DAPL1: variants seen among roughly 807,000 people sequenced by gnomAD.
The protein encoded by DAPL1 is death associated protein like 1, also known as death-associated protein-like 1.
Under a neutral mutation model 12.9 loss-of-function variants are expected in DAPL1, and 17 were observed. The ratio of observed to expected loss-of-function variants is 1.32; its 90% confidence interval spans 0.90 to 1.98. The LOEUF (loss-of-function observed/expected upper bound fraction) is 1.98, where lower values mean the gene tolerates loss of function less well. Among genes scored for constraint, DAPL1 ranks in the 30% most tolerant of loss-of-function variants. The probability of loss-of-function intolerance (pLI) is 0.00; values close to 1 mark genes in which losing one functional copy is unlikely to be tolerated. For missense variants in DAPL1, 157 were observed against 125.7 expected, an observed-to-expected ratio of 1.25 and a Z score of -1.19; for synonymous variants, 51 against 42.0, an observed-to-expected ratio of 1.21 and a Z score of -0.82.
At chr2:158,806,712 T>C (rs2059203506) in intron 2 of DAPL1, among the ~76,000 whole-genome samples, 1 of 151,902 alleles carries the variant, frequency 6.6e-6, no homozygotes, top group Non-Finnish European at 1.5e-5. Context: ...GGTGCATGCC[T>C]GTAATCCCAG....
intron 1 of DAPL1, among the ~76,000 whole-genome samples, chr2:158,802,554 C>A (rs952436124): frequency 3.9e-5 from 6 of 152,198 alleles, no homozygotes; most frequent in African/African-American, 1.4e-4. Flanking sequence ...TGTACTCACA[C>A]ACCAAATCGT....
rs2059258046 is a variant in DAPL1, at chr2:158,815,792, T to C, written c.295T>C (p.Tyr99His). Residue 99 changes from tyrosine to histidine, a missense_variant, in exon 4 of 4, where the codon TAC becomes CAC. Tyr to His is a moderately conservative substitution (Grantham distance 83). Coordinates refer to ENST00000309950, the MANE Select transcript of DAPL1 (RefSeq NM_001017920.3). ...LEKVVPLKRI[Y>H]IIQQPRKC is the part of the protein sequence containing the mutation. ...AAAGGTTGTTCCACTGAAAAGGATC[T>C]ACATTATTCAGCAGCCTCGAAAATG... is the stretch of plus-strand genomic sequence containing the variant. The C allele has an allele frequency of 1.9e-6, 3 of 1,613,640 alleles. No homozygotes were observed. Among genetic ancestry groups the C allele is most frequent in the Non-Finnish European group, 1.7e-6 (2 of 1,179,500 alleles).
At chr2:158,799,555 C>G (rs1424579689) in intron 1 of DAPL1, among the ~76,000 whole-genome samples, 1 of 151,932 alleles carries the variant, frequency 6.6e-6, no homozygotes, top group Admixed American at 6.6e-5. Flanking sequence ...TTAAGATAAC[C>G]CTCCCACAAA....
At chr2:158,798,955 G>T (rs1177748945) in intron 1 of DAPL1, among the ~76,000 whole-genome samples, 1 of 151,934 alleles carries the variant, frequency 6.6e-6, no homozygotes, top group Admixed American at 6.6e-5. Context: ...TTTTTTGCAG[G>T]CTTATGTTTA....
chr2:158,810,790 T>C (rs1338042847), intron 3 of DAPL1, among the ~76,000 whole-genome samples: 1 of 152,168 alleles, frequency 6.6e-6, no homozygotes, highest in East Asian at 1.9e-4. Flanking sequence ...ACACAAGACA[T>C]GGTATTCCTG....
intron 1 of DAPL1, among the ~76,000 whole-genome samples, chr2:158,799,330 G>A (rs561253867): frequency 6.6e-6 from 1 of 152,030 alleles, no homozygotes; most frequent in Non-Finnish European, 1.5e-5. Context: ...TTTCTGCAAA[G>A]GTTCAAAAAG....
Position 158,802,119 on chromosome 2 carries a change from G to A in DAPL1, c.59-2163G>A, listed in dbSNP as rs2105149878. ...CACTTTGTAGCTCGCGTTGTTAACA[G>A]GGGTATGGAGGAACAACAACTGTCA... On this transcript the variant is annotated intron_variant, in intron 1 of 3. Transcript: ENST00000309950. 4.6e-5 allele frequency among the ~76,000 whole-genome samples: 7 copies of A among 152,340 alleles called. 1 individual carries two copies. In the Middle Eastern group the frequency reaches 0.024, roughly 518 times the overall value.
At chr2:158,812,535 T>A (rs2059236310) in intron 3 of DAPL1, among the ~76,000 whole-genome samples, 1 of 152,174 alleles carries the variant, frequency 6.6e-6, no homozygotes. Flanking sequence ...GGCTCATAAC[T>A]AGAATCCTAG....
At position 158,799,504 on chromosome 2, in the gene DAPL1, A is replaced by G. The variant is rs555951190; in HGVS notation, c.58+4074A>G. Among the ~76,000 whole-genome samples the G allele has an allele frequency of 6.6e-5, 10 of 152,070 alleles. No homozygotes were observed. In the East Asian group the frequency reaches 1.9e-3, roughly 29 times the overall value. ...GCATTGTAAATAATGGCTTGTCTAG[A>G]CCCCAGGAGATCATTGTGATCAGTG... On this transcript the variant is annotated intron_variant, in intron 1 of 3. Transcript: ENST00000309950.
At chr2:158,809,880 C>T (rs1448976842) in intron 3 of DAPL1, among the ~76,000 whole-genome samples, 1 of 152,128 alleles carries the variant, frequency 6.6e-6, no homozygotes, top group Non-Finnish European at 1.5e-5. Flanking sequence ...ATCCATCATT[C>T]AACCTGAAAC....
At chr2:158,803,168 C>G (rs1440491264) in intron 1 of DAPL1, among the ~76,000 whole-genome samples, 4 of 152,104 alleles carry the variant, frequency 2.6e-5, no homozygotes, top group African/African-American at 7.2e-5. Context: ...GATGAAGACA[C>G]AGGAAGCTTA....
intron 1 of DAPL1, among the ~76,000 whole-genome samples, chr2:158,796,895 A>G (rs887889455): frequency 6.6e-6 from 1 of 152,186 alleles, no homozygotes; most frequent in Non-Finnish European, 1.5e-5. Flanking sequence ...GACACTACAG[A>G]TAAGAGGTTT....
intron 3 of DAPL1, among the ~76,000 whole-genome samples, chr2:158,815,079 A>G (rs1394181980): frequency 6.6e-6 from 1 of 152,224 alleles, no homozygotes; most frequent in Non-Finnish European, 1.5e-5. Context: ...TAATAAGCCT[A>G]TTTAAGCTTA....
intron 1 of DAPL1, 34 bp from the exon 2 acceptor site, chr2:158,804,248 T>C: frequency 6.8e-7 from 1 of 1,480,358 alleles, no homozygotes; most frequent in Non-Finnish European, 9.3e-7. Context: ...CTCTCACTGT[T>C]CTAACTTCCA....
chr2:158,804,251 A>G (rs2059186536), intron 1 of DAPL1, 31 bp from the exon 2 acceptor site: 1 of 1,497,362 alleles, frequency 6.7e-7, no homozygotes, highest in Admixed American at 1.8e-5. Context: ...TCACTGTTCT[A>G]ACTTCCATGC....
chr2:158,806,585 A>T (rs2059202472), intron 2 of DAPL1, among the ~76,000 whole-genome samples: 1 of 152,154 alleles, frequency 6.6e-6, no homozygotes, highest in Non-Finnish European at 1.5e-5. Flanking sequence ...CTGTAATCTC[A>T]GTACTTTGGG....
intron 1 of DAPL1, 125 bp downstream of exon 1, chr2:158,795,555 C>T (rs2059130144): frequency 4.6e-6 from 4 of 869,182 alleles, no homozygotes; most frequent in Non-Finnish European, 7.4e-6. Context: ...TAACTCCATG[C>T]AGCCTGACTT....
intron 2 of DAPL1, among the ~76,000 whole-genome samples, chr2:158,806,235 G>GA (rs34266428): frequency 0.25 from 34,579 of 140,638 alleles, 7,579 homozygotes; most frequent in Non-Finnish European, 0.37. Context: ...AAACCATCCA[G>GA]AAAAAAAAAA....
In DAPL1 at chr2:158,815,878, C is replaced by A; in HGVS notation, c.*57C>A. 1 of 1,226,892 alleles carries A rather than the reference C, an allele frequency of 8.2e-7. No homozygotes were observed. The highest frequency in any genetic ancestry group is 1.2e-6 in the Non-Finnish European group (1 of 829,184). The allele number at this position is 1,226,892 out of a possible 1,614,324, so 76.0% of individuals were successfully genotyped here. A position where few individuals can be genotyped will look rare whatever the true frequency, so the allele number is the denominator to read the frequency against. On this transcript the variant is annotated 3_prime_UTR_variant, in exon 4 of 4. Coordinates refer to ENST00000309950, the MANE Select transcript of DAPL1 (RefSeq NM_001017920.3). The stretch of plus-strand genomic sequence containing the variant: ...CTGCCTCGAATATCTGACAGCTTAG[C>A]AAAAAGGGCCAAAGCTTTCCATAGG...
Sources: allele counts gnomAD v4.1 joint callset (sites outside exome capture counted in the v4.1 genomes callset), GRCh38; gene constraint gnomAD v4.1.1; transcripts MANE v1.5; gene names NCBI Gene and HGNC (gene_info 2026-07-23, HGNC 2026-07-21).